CPAMD8: variants seen among roughly 807,000 people sequenced by gnomAD.
CPAMD8 encodes the protein C3 and PZP like alpha-2-macroglobulin domain containing 8.
A neutral mutation model predicts 224.7 loss-of-function variants in CPAMD8; 146 were observed. The observed-to-expected ratio is 0.65, with a 90% CI of 0.57 to 0.75. CPAMD8 has a LOEUF of 0.75. CPAMD8 is among the 30% of genes least tolerant of loss of function. CPAMD8 has a pLI of 0.00. For missense variants in CPAMD8, 2,301 were observed against 2,537.5 expected (o/e 0.91, Z 2.00); for synonymous variants, 966 against 1,044.6 (o/e 0.92, Z 1.45).
chr19:17,001,369 G>A (rs2056314392), intron 9 of CPAMD8, among the ~76,000 whole-genome samples: 1 of 130,968 alleles, frequency 7.6e-6, no homozygotes, highest in African/African-American at 3.0e-5. Flanking sequence ...TCTCGGGTCA[G>A]CACACTGGCG....
At chr19:16,913,816 T>C (rs1459733643) in intron 29 of CPAMD8, among the ~76,000 whole-genome samples, 1 of 152,134 alleles carries the variant, frequency 6.6e-6, no homozygotes, top group African/African-American at 2.4e-5. Flanking sequence ...AAACTCATAA[T>C]TTATCATGAG....
At chr19:16,917,474 G>T (rs554571238) in intron 27 of CPAMD8, among the ~76,000 whole-genome samples, 1 of 152,092 alleles carries the variant, frequency 6.6e-6, no homozygotes, top group South Asian at 2.1e-4. Context: ...ATGGCCGGGC[G>T]AGGTGGCTCA....
At chr19:16,975,495 A>G (rs1016940934) in intron 16 of CPAMD8, among the ~76,000 whole-genome samples, 8 of 152,046 alleles carry the variant, frequency 5.3e-5, no homozygotes, top group African/African-American at 1.9e-4. Context: ...TGGCTTGTGC[A>G]AAGGAGTTCG....
chr19:16,897,205 CCT>C (rs1268341615), intron 39 of CPAMD8: 1 of 145,636 alleles, frequency 6.9e-6, no homozygotes, highest in Non-Finnish European at 1.4e-5. Flanking sequence ...AACCTCATCC[CCT>C]CAGCACTAAC....
intron 3 of CPAMD8, among the ~76,000 whole-genome samples, chr19:17,012,921 C>T (rs866621645): frequency 1.3e-5 from 2 of 152,212 alleles, no homozygotes; most frequent in Non-Finnish European, 2.9e-5. Context: ...ATGGCTCACA[C>T]CTGTAATCCC....
intron 13 of CPAMD8, among the ~76,000 whole-genome samples, chr19:16,981,175 A>G (rs2055501323): frequency 6.6e-6 from 1 of 151,934 alleles, no homozygotes; most frequent in Admixed American, 6.6e-5. Context: ...CAACATAGTG[A>G]GACCCCCATC....
chr19:16,939,507 C>G (rs1390984364), intron 22 of CPAMD8, among the ~76,000 whole-genome samples: 1 of 152,066 alleles, frequency 6.6e-6, no homozygotes, highest in East Asian at 1.9e-4. Context: ...CCGTGCCCAG[C>G]CTAGGATGGT....
intron 3 of CPAMD8, among the ~76,000 whole-genome samples, chr19:17,019,207 TC>T (rs1171161206): frequency 6.6e-6 from 1 of 152,038 alleles, no homozygotes; most frequent in East Asian, 1.9e-4. Context: ...CACTGCAACC[TC>T]CGTCCCATGG....
At chr19:17,018,907 C>CAAAAA (rs769554399) in intron 3 of CPAMD8, among the ~76,000 whole-genome samples, 1 of 93,710 alleles carries the variant, frequency 1.1e-5, no homozygotes, top group Non-Finnish European at 2.1e-5. Flanking sequence ...GACTTCATCT[C>CAAAAA]AAAAAAAAAA....
chr19:16,896,301 G>A lies in CPAMD8; in HGVS notation c.5301C>T (p.Ser1767=), dbSNP rs926396475. 1 of 1,610,588 alleles carries A rather than the reference G, an allele frequency of 6.2e-7. No individual in the cohort carries two copies. Among genetic ancestry groups the A allele is most frequent in the South Asian group, 1.1e-5 (1 of 90,922 alleles). ...ALEQRLPASS[S]STYGDDLASV... is the part of the protein sequence containing the mutation. ...AAGCCAGGTCATCCCCGTAGGTGGAGGACGACGAGGCCGGCAGCCGCTGCT... is the reference window on the plus strand; with the variant it reads ...AAGCCAGGTCATCCCCGTAGGTGGAAGACGACGAGGCCGGCAGCCGCTGCT... Residue 1767 remains serine (S), a synonymous_variant, in exon 41 of 42, where the codon TCC becomes TCT. Transcript: ENST00000443236.
chr19:16,975,968 A>G, intron 16 of CPAMD8, 34 bp downstream of exon 16: 1 of 1,488,540 alleles, frequency 6.7e-7, no homozygotes, highest in Non-Finnish European at 9.0e-7. Context: ...AGCCCCGTGG[A>G]GGTCTAGAAC....
chr19:16,897,415 C>G, intron 39 of CPAMD8: 1 of 486,102 alleles, frequency 2.1e-6, no homozygotes, highest in Non-Finnish European at 3.6e-6. Flanking sequence ...CACACCCTCA[C>G]TGGCTCGGCC....
intron 18 of CPAMD8, among the ~76,000 whole-genome samples, chr19:16,967,767 C>A (rs1401697404): frequency 6.9e-6 from 1 of 145,530 alleles, no homozygotes; most frequent in African/African-American, 2.5e-5. Flanking sequence ...CAAGATGGCG[C>A]CACTACACTC....
At chr19:16,919,819 C>A (rs1777147342) in intron 27 of CPAMD8, among the ~76,000 whole-genome samples, 1 of 152,202 alleles carries the variant, frequency 6.6e-6, no homozygotes, top group African/African-American at 2.4e-5. Flanking sequence ...TAGAACAGAT[C>A]CCAAGTTTTC....
chr19:17,000,951 G>T (rs778829908), intron 9 of CPAMD8, among the ~76,000 whole-genome samples: 19 of 152,310 alleles, frequency 1.2e-4, no homozygotes, highest in Non-Finnish European at 2.8e-4. Context: ...CCTCTCAGGG[G>T]TGATAGTGAA....
At chr19:17,003,812 C>G (rs1170149825) in intron 8 of CPAMD8, among the ~76,000 whole-genome samples, 1 of 151,376 alleles carries the variant, frequency 6.6e-6, no homozygotes, top group Non-Finnish European at 1.5e-5. Context: ...GTAGGACCAT[C>G]CCCTGAAACT....
chr19:16,928,021 C>G lies in CPAMD8; in HGVS notation c.3358G>C (p.Ala1120Pro). Residue 1120 changes from alanine (A) to proline (P), a missense_variant, in exon 25 of 42, where the codon GCC (alanine) becomes CCC (proline). By Grantham distance (27) the Ala-to-Pro change is conservative. Around this residue, in one of 4 missense-constraint regions of CPAMD8, gnomAD observed 1,709 missense variants for 1,753.2 expected, o/e 0.97. Transcript: ENST00000443236. ...GAIPGSERAT[A>P]SIIGDVMGPT... ...GGGACAGACGCACCGATGATGGAGG[C>G]GGTGGCTCGCTCAGACCCAGGGATG... The G allele has an allele frequency of 1.2e-6, 2 of 1,611,618 alleles. No homozygotes were observed. Among genetic ancestry groups the G allele is most frequent in the South Asian group, 2.2e-5 (2 of 91,032 alleles).
At chr19:16,946,878 C>A (rs1202396847) in intron 21 of CPAMD8, among the ~76,000 whole-genome samples, 196 bp downstream of exon 21, 1 of 152,098 alleles carries the variant, frequency 6.6e-6, no homozygotes, top group Non-Finnish European at 1.5e-5. Context: ...ACAGGTGAGA[C>A]CCCAGGGCTT....
chr19:16,906,338 CTTTCTTTCTT>C (rs1164137109), intron 30 of CPAMD8, among the ~76,000 whole-genome samples: 3 of 26,892 alleles, frequency 1.1e-4, no homozygotes, highest in African/African-American at 4.0e-4. Flanking sequence ...CCTTCTTTCC[CTTTCTTTCTT>C]TCTTTCTTTC....
Sources: gnomAD v4.1 joint callset for allele counts (sites outside exome capture counted in the v4.1 genomes callset) on GRCh38, gnomAD v4.1.1 for gene constraint, gnomAD v4.1.1 regional missense constraint, MANE v1.5 for transcripts, NCBI Gene and HGNC (gene_info 2026-07-23, HGNC 2026-07-21) for gene names.